The following IQSEC1 variants were observed in gnomAD, a reference collection of about 807,000 sequenced individuals.
IQSEC1 encodes IQ motif and SEC7 domain-containing protein 1.
A neutral mutation model predicts 91.0 loss-of-function variants in IQSEC1; 31 were observed. The ratio of observed to expected loss-of-function variants is 0.34; its 90% CI spans 0.26 to 0.46. The LOEUF (loss-of-function observed/expected upper bound fraction) is 0.46. Ranked by LOEUF, IQSEC1 falls within the 20% of genes least tolerant of loss-of-function variation. The pLI is 1.00. For missense variants in IQSEC1, 1,388 were observed against 1,575.6 expected, an observed-to-expected ratio of 0.88 and a Z score of 2.02; for synonymous variants, 699 against 662.6, an observed-to-expected ratio of 1.05 and a Z score of -0.84.
intron 2 of IQSEC1, among the ~76,000 whole-genome samples, chr3:13,144,347 C>T (rs539371586): frequency 1.3e-5 from 2 of 152,334 alleles, no homozygotes; most frequent in East Asian, 1.9e-4. Context: ...TATCTGGTCA[C>T]CGCCACGTGG....
chr3:13,020,906 GAAGA>G (rs1703367365), intron 1 of IQSEC1, among the ~76,000 whole-genome samples: 1 of 152,146 alleles, frequency 6.6e-6, no homozygotes, highest in South Asian at 2.1e-4. Context: ...GGGAAGGAAG[GAAGA>G]AAGGAAAGAA....
intron 1 of IQSEC1, among the ~76,000 whole-genome samples, chr3:13,024,640 C>G (rs749429065): frequency 1.6e-4 from 24 of 150,516 alleles, no homozygotes; most frequent in Non-Finnish European, 3.3e-4. Context: ...TCCACCCATC[C>G]GTCCATCATC....
chr3:13,044,689 G>GC (rs945550308), intron 1 of IQSEC1, among the ~76,000 whole-genome samples: 5 of 149,628 alleles, frequency 3.3e-5, no homozygotes, highest in Admixed American at 1.3e-4. Context: ...CTCCTCCCCC[G>GC]CCCCCCCACA....
At position 12,909,801 on chromosome 3, in the gene IQSEC1, A is replaced by G. The variant is rs1211887525; in HGVS notation, c.2417-367T>C. ...TATTCTCCCGAATGGCCTGTGGCCC[A>G]CAGCTCCCATGGGGTGCACTATGGG... On this transcript the variant is annotated intron_variant, in intron 10 of 13. Coordinates refer to ENST00000613206, the MANE Select transcript of IQSEC1 (RefSeq NM_001134382.3). The surrounding 1 kb of genome is among the most constrained non-coding windows in gnomAD (Gnocchi z 4.9). Among the ~76,000 whole-genome samples, 3 of 152,242 alleles carry G rather than the reference A, an allele frequency of 2.0e-5. No homozygotes were observed. The highest frequency in any genetic ancestry group is 4.8e-5 in the African/African-American group (2 of 41,458).
At chr3:12,912,527 A>T (rs866861999) in intron 9 of IQSEC1, among the ~76,000 whole-genome samples, 2 of 152,156 alleles carry the variant, frequency 1.3e-5, no homozygotes. Flanking sequence ...ATACCCAATC[A>T]AGAACATGGG....
intron 2 of IQSEC1, among the ~76,000 whole-genome samples, chr3:13,161,804 C>G (rs1707181028): frequency 6.6e-6 from 1 of 152,234 alleles, no homozygotes; most frequent in Non-Finnish European, 1.5e-5. Flanking sequence ...ATCTCCCTTG[C>G]CCGGCTTCTC....
intron 4 of IQSEC1, among the ~76,000 whole-genome samples, chr3:12,923,234 G>A (rs1161205279): frequency 6.6e-6 from 1 of 152,210 alleles, no homozygotes; most frequent in Non-Finnish European, 1.5e-5. Context: ...TTTCTGACCT[G>A]AGGAAAACAA....
chr3:13,251,241 C>T, intron 1 of IQSEC1, among the ~76,000 whole-genome samples: 1 of 152,196 alleles, frequency 6.6e-6, no homozygotes, highest in East Asian at 1.9e-4. Context: ...CATGCCAACA[C>T]CACCTACCCA....
Position 12,954,341 on chromosome 3 carries a change from C to G in IQSEC1, c.24-12476G>C, listed in dbSNP as rs370949174. On this transcript the variant is annotated intron_variant, in intron 1 of 13. Transcript: ENST00000613206. ...CTAGAACCTGGAATCAGATCTCCCTCCCCCCTCACAGCTTCAGGGGCTCGC... is the reference window on the plus strand; with the variant it reads ...CTAGAACCTGGAATCAGATCTCCCTGCCCCCTCACAGCTTCAGGGGCTCGC... Among the ~76,000 whole-genome samples, 13 of 152,262 alleles carry G rather than the reference C, an allele frequency of 8.5e-5. 1 individual carries two copies. Among genetic ancestry groups the G allele is most frequent in the Admixed American group, 5.2e-4 (8 of 15,294 alleles).
chr3:13,197,429 C>T (rs983554480), intron 1 of IQSEC1, among the ~76,000 whole-genome samples: 11 of 152,150 alleles, frequency 7.2e-5, no homozygotes, highest in Admixed American at 2.0e-4. Context: ...TGCTGGTGCC[C>T]GGCCCCATCC....
chr3:13,232,898 T>G (rs1242394919), intron 1 of IQSEC1, among the ~76,000 whole-genome samples: 2 of 151,856 alleles, frequency 1.3e-5, no homozygotes, highest in Non-Finnish European at 1.5e-5. Flanking sequence ...TCACGAAACG[T>G]GAAAAACAGT....
At chr3:13,184,204 T>C (rs2125022699) in intron 1 of IQSEC1, among the ~76,000 whole-genome samples, 2 of 152,260 alleles carry the variant, frequency 1.3e-5, no homozygotes, top group South Asian at 4.1e-4. Flanking sequence ...GACAAAGACA[T>C]AGCAAGAAAG....
At chr3:13,255,208 G>A (rs992916784) in intron 1 of IQSEC1, among the ~76,000 whole-genome samples, 1 of 152,210 alleles carries the variant, frequency 6.6e-6, no homozygotes, top group Non-Finnish European at 1.5e-5. Context: ...CCAGCCCAAG[G>A]GAGGGGAGCC....
At chr3:13,043,698 T>A (rs1344091819) in intron 1 of IQSEC1, among the ~76,000 whole-genome samples, 2 of 152,216 alleles carry the variant, frequency 1.3e-5, no homozygotes, top group Non-Finnish European at 2.9e-5. Context: ...CACATCTCTT[T>A]TAAGGGCCGG....
intron 1 of IQSEC1, among the ~76,000 whole-genome samples, chr3:13,166,028 C>T (rs1693488818): frequency 6.6e-6 from 1 of 152,176 alleles, no homozygotes; most frequent in South Asian, 2.1e-4. Flanking sequence ...TTCAGGGATC[C>T]TTTCTTCGGA....
chr3:13,108,503 C>A (rs976612238), intron 2 of IQSEC1, among the ~76,000 whole-genome samples: 1 of 152,102 alleles, frequency 6.6e-6, no homozygotes, highest in Non-Finnish European at 1.5e-5. Context: ...TGGGCATGCA[C>A]ATTCTATTTT....
At chr3:12,982,058 A>G (rs866053681) in intron 1 of IQSEC1, among the ~76,000 whole-genome samples, 9 of 152,334 alleles carry the variant, frequency 5.9e-5, no homozygotes, top group African/African-American at 2.2e-4. Flanking sequence ...GCACTGCCAC[A>G]TGGGGCCCAC....
At chr3:13,082,131 A>G (rs1705655652) in intron 2 of IQSEC1, among the ~76,000 whole-genome samples, 1 of 152,188 alleles carries the variant, frequency 6.6e-6, no homozygotes, top group Admixed American at 6.5e-5. Flanking sequence ...GGAGTGCTGC[A>G]TCCCAGCTCT....
chr3:12,935,403 G>A lies in IQSEC1; in HGVS notation c.1568+45C>T. On this transcript the variant is annotated intron_variant, in intron 3 of 13. Transcript: ENST00000613206. This position sits in a 1 kb window ranked among gnomAD's most constrained non-coding sequence, Gnocchi z 8.0. ...AGCCACGCCCACCCGCCAAGGCCCA[G>A]CAAGCCACAGCTGCCCACCCTGAGG... 1 of 1,568,004 alleles carries A rather than the reference G, an allele frequency of 6.4e-7. No individual in the cohort carries two copies. The highest frequency in any genetic ancestry group is 1.3e-5 in the African/African-American group (1 of 74,374).
Sources: gnomAD v4.1 joint callset for allele counts (sites outside exome capture counted in the v4.1 genomes callset) on GRCh38, gnomAD v4.1.1 for gene constraint, Gnocchi (gnomAD v3.1) non-coding constraint, MANE v1.5 for transcripts, NCBI Gene and HGNC (gene_info 2026-07-23, HGNC 2026-07-21) for gene names.